The following FHIT variants were observed in gnomAD, a reference collection of about 807,000 sequenced individuals.
FHIT encodes bis(5'-adenosyl)-triphosphatase.
FHIT carries 19 observed loss-of-function variants against 17.9 expected under a neutral mutation model. The observed-to-expected ratio is 1.06, with a 90% confidence interval of 0.74 to 1.56. The LOEUF is 1.56. Among genes scored for constraint, FHIT ranks in the 40% most tolerant of loss-of-function variants. FHIT has a pLI of 0.00. For missense variants in FHIT, 248 were observed against 189.2 expected, an observed-to-expected ratio of 1.31 and a Z score of -1.82; for synonymous variants, 81 against 69.7, an observed-to-expected ratio of 1.16 and a Z score of -0.81.
intron 2 of FHIT, among the ~76,000 whole-genome samples, chr3:61,078,877 T>A (rs7650309): frequency 6.6e-6 from 1 of 152,040 alleles, no homozygotes; most frequent in Non-Finnish European, 1.5e-5. Context: ...ATTTCTTTAA[T>A]GAGCATTCTA....
chr3:60,128,481 T>C (rs1023360703), intron 5 of FHIT, among the ~76,000 whole-genome samples: 3 of 152,202 alleles, frequency 2.0e-5, no homozygotes, highest in Admixed American at 2.0e-4. Context: ...TAAAACTCTT[T>C]CCTTTATAAA....
chr3:59,889,786 A>AG (rs1468229146), intron 8 of FHIT, among the ~76,000 whole-genome samples: 4 of 152,264 alleles, frequency 2.6e-5, no homozygotes, highest in Admixed American at 1.3e-4. Context: ...TCATAAGCAC[A>AG]CACATAAGAA....
intron 5 of FHIT, among the ~76,000 whole-genome samples, chr3:60,174,503 A>C (rs1701577240): frequency 6.6e-6 from 1 of 151,366 alleles, no homozygotes; most frequent in South Asian, 2.1e-4. Flanking sequence ...TTCTAACTGG[A>C]AAAAAAGTCT....
chr3:61,094,895 C>T (rs751867355), intron 2 of FHIT, among the ~76,000 whole-genome samples: 1 of 152,124 alleles, frequency 6.6e-6, no homozygotes, highest in African/African-American at 2.4e-5. Flanking sequence ...GGACGGTGTG[C>T]AATTTAAAAT....
At chr3:60,714,535 C>G (rs1306781607) in intron 4 of FHIT, among the ~76,000 whole-genome samples, 1 of 152,112 alleles carries the variant, frequency 6.6e-6, no homozygotes, top group African/African-American at 2.4e-5. Flanking sequence ...CTAGAAAACC[C>G]CATTGCCTCA....
At chr3:60,173,977 G>C (rs983231058) in intron 5 of FHIT, among the ~76,000 whole-genome samples, 1 of 139,102 alleles carries the variant, frequency 7.2e-6, no homozygotes, top group African/African-American at 2.7e-5. Flanking sequence ...GCAGTGGCGC[G>C]ATCTTGGTTC....
At chr3:59,774,513 T>G (rs1047781269) in intron 8 of FHIT, among the ~76,000 whole-genome samples, 1 of 152,198 alleles carries the variant, frequency 6.6e-6, no homozygotes, top group African/African-American at 2.4e-5. Flanking sequence ...CTAACAGAGT[T>G]GTTATGAAGA....
chr3:60,910,312 T>C (rs1198511047), intron 3 of FHIT, among the ~76,000 whole-genome samples: 1 of 151,932 alleles, frequency 6.6e-6, no homozygotes, highest in Non-Finnish European at 1.5e-5. Context: ...GAAGAAAAGA[T>C]GAAGACCACA....
chr3:60,270,364 T>A (rs1315302830), intron 5 of FHIT, among the ~76,000 whole-genome samples: 1 of 152,196 alleles, frequency 6.6e-6, no homozygotes, highest in African/African-American at 2.4e-5. Context: ...TAAAGTTACT[T>A]TGAGTTTCTA....
intron 5 of FHIT, among the ~76,000 whole-genome samples, chr3:60,299,764 G>C (rs544776791): frequency 6.6e-6 from 1 of 152,106 alleles, no homozygotes; most frequent in Non-Finnish European, 1.5e-5. Context: ...TGACAAGGAG[G>C]CTGGAGTGGC....
At chr3:60,318,294 G>C (rs1251390670) in intron 5 of FHIT, among the ~76,000 whole-genome samples, 2 of 152,048 alleles carry the variant, frequency 1.3e-5, no homozygotes, top group African/African-American at 2.4e-5. Flanking sequence ...ACTAACAAAA[G>C]GAAAGTCTTG....
At chr3:60,190,534 A>C (rs1329460413) in intron 5 of FHIT, among the ~76,000 whole-genome samples, 1 of 151,960 alleles carries the variant, frequency 6.6e-6, no homozygotes, top group Non-Finnish European at 1.5e-5. Context: ...AGATCACCTG[A>C]GGTCAGGAGT....
At chr3:59,845,152 T>A (rs1701673308) in intron 8 of FHIT, among the ~76,000 whole-genome samples, 2 of 152,120 alleles carry the variant, frequency 1.3e-5, no homozygotes, top group African/African-American at 4.8e-5. Context: ...CATTTCTGAT[T>A]TTATTAATTT....
intron 5 of FHIT, among the ~76,000 whole-genome samples, chr3:60,173,572 A>C (rs755052835): frequency 2.0e-5 from 3 of 151,964 alleles, no homozygotes; most frequent in Non-Finnish European, 4.4e-5. Context: ...CAGGATGACA[A>C]ATGGGTTTCC....
chr3:60,265,856 G>C (rs1706546984), intron 5 of FHIT, among the ~76,000 whole-genome samples: 1 of 151,734 alleles, frequency 6.6e-6, no homozygotes, highest in Non-Finnish European at 1.5e-5. Context: ...CAGAGAAATG[G>C]TGATCTAAAC....
At chr3:60,985,469 C>T (rs926152306) in intron 3 of FHIT, among the ~76,000 whole-genome samples, 7 of 152,114 alleles carry the variant, frequency 4.6e-5, no homozygotes, top group African/African-American at 1.7e-4. Context: ...TGCCCCACTG[C>T]CTATGGCCAC....
chr3:60,924,823 C>T (rs965189206), intron 3 of FHIT, among the ~76,000 whole-genome samples: 25 of 151,870 alleles, frequency 1.6e-4, no homozygotes, highest in African/African-American at 5.1e-4. Context: ...AAAAATTAGA[C>T]GAATGGCTAA....
chr3:60,130,780 G>GTT lies in FHIT; in HGVS notation c.104-116629_104-116628insAA, dbSNP rs1452178117. On this transcript the variant is annotated intron_variant, in intron 5 of 9. Transcript: ENST00000492590. ...TGTGTGTGTGTTTGTGTGTGTGTGTGTGTGGTGTGTATATACACACATATA... is the reference window on the plus strand; with the variant it reads ...TGTGTGTGTGTTTGTGTGTGTGTGTGTTTGTGGTGTGTATATACACACATATA... 4.6e-3 allele frequency among the ~76,000 whole-genome samples: 11 copies of GTT among 2,402 alleles called. No individual in the cohort carries two copies. The Admixed American group carries it at 0.052, about 11-fold the overall frequency. 1.6% of individuals were successfully genotyped at this position (2,402 alleles called of 152,430 possible).
At chr3:60,035,777 T>C (rs1267931572) in intron 5 of FHIT, among the ~76,000 whole-genome samples, 1 of 152,216 alleles carries the variant, frequency 6.6e-6, no homozygotes, top group Non-Finnish European at 1.5e-5. Flanking sequence ...CAAAATTAAC[T>C]TTTTGCTATG....
Sources: allele counts gnomAD v4.1 joint callset (sites outside exome capture counted in the v4.1 genomes callset), GRCh38; gene constraint gnomAD v4.1.1; transcripts MANE v1.5; gene names NCBI Gene and HGNC (gene_info 2026-07-23, HGNC 2026-07-21).